Variants in DPYSL2 observed in about 807,000 individuals in gnomAD.
DPYSL2 encodes the protein dihydropyrimidinase like 2.
In DPYSL2, 13 loss-of-function variants were observed where a neutral mutation model predicts 69.9. The observed-to-expected ratio is 0.19, with a 90% CI of 0.12 to 0.30. DPYSL2 has a LOEUF of 0.30. DPYSL2 is among the 10% of genes least tolerant of loss of function. The pLI is 1.00. For synonymous variants in DPYSL2, 326 were observed against 359.1 expected (o/e 0.91, Z 1.04); for missense variants, 587 against 918.9 (o/e 0.64, Z 4.67).
At chr8:26,651,087 G>A (rs1453858965) in intron 11 of DPYSL2, among the ~76,000 whole-genome samples, 1 of 152,210 alleles carries the variant, frequency 6.6e-6, no homozygotes, top group Non-Finnish European at 1.5e-5. Context: ...TTGGGTCTCA[G>A]TAATCCAAGT....
At chr8:26,557,035 A>G (rs4872454) in intron 1 of DPYSL2, among the ~76,000 whole-genome samples, 115,349 of 152,038 alleles carry the variant, frequency 0.76, 44,636 homozygotes, top group East Asian at 0.9. Flanking sequence ...AAAAACATAA[A>G]TCTAGACACA....
At position 26,582,935 on chromosome 8, in the gene DPYSL2, G is replaced by A. The variant is rs1296565329; in HGVS notation, c.444-864G>A. Among the ~76,000 whole-genome samples the A allele has an allele frequency of 6.6e-6, 1 of 152,172 alleles. No homozygotes were observed. The highest frequency in any genetic ancestry group is 1.5e-5 in the Non-Finnish European group (1 of 68,026). ...AGATTTTAACATTTCCACGTTTAAT[G>A]TTTTCTCCATGTGTGTTTGCTGTGA... On this transcript the variant is annotated intron_variant, in intron 2 of 13. Coordinates refer to ENST00000521913, the MANE Select transcript of DPYSL2 (RefSeq NM_001197293.3). This position sits in a 1 kb window ranked among gnomAD's most constrained non-coding sequence, Gnocchi z 4.1.
chr8:26,643,893 G>GT lies in DPYSL2; in HGVS notation c.1284-56dup. The GT allele has an allele frequency of 6.4e-7, 1 of 1,573,100 alleles. No homozygotes were observed. Among genetic ancestry groups the GT allele is most frequent in the Middle Eastern group, 1.7e-4 (1 of 5,918 alleles). On this transcript the variant is annotated intron_variant, in intron 9 of 13. Transcript: ENST00000521913. The surrounding 1 kb of genome is among the most constrained non-coding windows in gnomAD (Gnocchi z 6.5). Reference sequence around the variant, plus strand: ...TCATGAGACAGCCCACCAAATAGGTGTAGGCGCACAGCATCTTGACGAAGC... The same window carrying GT: ...TCATGAGACAGCCCACCAAATAGGTGTTAGGCGCACAGCATCTTGACGAAGC...
Position 26,558,458 on chromosome 8 carries a change from G to A in DPYSL2, c.355-23511G>A, listed in dbSNP as rs185998898. 4.4e-3 allele frequency among the ~76,000 whole-genome samples: 676 copies of A among 152,314 alleles called. 1 individual carries two copies. Among genetic ancestry groups the A allele is most frequent in the Non-Finnish European group, 7.5e-3 (513 of 68,032 alleles). On this transcript the variant is annotated intron_variant, in intron 1 of 13. Coordinates refer to ENST00000521913, the MANE Select transcript of DPYSL2 (RefSeq NM_001197293.3). ...GAGTGGAAGAGAGCAATAGTAGGTA[G>A]AGCACAGGGGATTTTTAGGACAGTG...
At position 26,571,070 on chromosome 8, in the gene DPYSL2, T is replaced by A. The variant is rs1424407188; in HGVS notation, c.355-10899T>A. 6.6e-6 allele frequency among the ~76,000 whole-genome samples: 1 copy of A among 152,190 alleles called. No homozygotes were observed. Among genetic ancestry groups the A allele is most frequent in the African/African-American group, 2.4e-5 (1 of 41,444 alleles). Reference sequence around the variant, plus strand: ...AGGGATAATATTTACCACTCTTTCATAATGTTCCCCCTGGACAAAGAGCAG... The same window carrying A: ...AGGGATAATATTTACCACTCTTTCAAAATGTTCCCCCTGGACAAAGAGCAG... On this transcript the variant is annotated intron_variant, in intron 1 of 13. Transcript: ENST00000521913. This position sits in a 1 kb window ranked among gnomAD's most constrained non-coding sequence, Gnocchi z 6.1.
chr8:26,551,503 C>T (rs1042509738), intron 1 of DPYSL2, among the ~76,000 whole-genome samples: 2 of 152,088 alleles, frequency 1.3e-5, no homozygotes, highest in Non-Finnish European at 1.5e-5. Flanking sequence ...ACTTCAACAC[C>T]CCTCTGTCAG....
At chr8:26,536,390 G>A (rs913361114) in intron 1 of DPYSL2, among the ~76,000 whole-genome samples, 2 of 151,924 alleles carry the variant, frequency 1.3e-5, no homozygotes, top group African/African-American at 4.8e-5. Flanking sequence ...TAAATTATAG[G>A]CCAGGCATGG....
intron 7 of DPYSL2, 25 bp from the exon 8 acceptor site, chr8:26,634,755 C>T (rs757739917): frequency 1.2e-6 from 2 of 1,613,896 alleles, no homozygotes; most frequent in Non-Finnish European, 1.7e-6. Flanking sequence ...GAGCCACATT[C>T]TCATGCTCTG....
chr8:26,637,293 C>T (rs1563421580), intron 8 of DPYSL2, among the ~76,000 whole-genome samples: 1 of 152,294 alleles, frequency 6.6e-6, no homozygotes, highest in Non-Finnish European at 1.5e-5. Context: ...AATGAGAAGT[C>T]CTAGCTAACT....
intron 1 of DPYSL2, among the ~76,000 whole-genome samples, chr8:26,557,351 A>G (rs906175828): frequency 6.6e-6 from 1 of 152,110 alleles, no homozygotes; most frequent in African/African-American, 2.4e-5. Flanking sequence ...AAACCCAACA[A>G]CAAGAAAACA....
At chr8:26,579,952 GC>G (rs1801450238) in intron 1 of DPYSL2, among the ~76,000 whole-genome samples, 1 of 24,576 alleles carries the variant, frequency 4.1e-5, no homozygotes, top group Non-Finnish European at 1.1e-4. Context: ...TTTTTAAAGA[GC>G]GCCCCCCCCC....
chr8:26,567,155 CCCATCCATCCATCCAT>C (rs147501253), intron 1 of DPYSL2, among the ~76,000 whole-genome samples: 1 of 147,938 alleles, frequency 6.8e-6, no homozygotes, highest in African/African-American at 2.5e-5. Flanking sequence ...CATACATCTG[CCCATCCATCCATCCAT>C]CCATCCATCC....
At chr8:26,631,376 CTT>C (rs1009827810) in intron 7 of DPYSL2, among the ~76,000 whole-genome samples, 3 of 152,108 alleles carry the variant, frequency 2.0e-5, no homozygotes, top group African/African-American at 7.2e-5. Context: ...CAAACTGCCA[CTT>C]TTAAACCATC....
At chr8:26,583,641 G>T (rs1193330452) in intron 2 of DPYSL2, among the ~76,000 whole-genome samples, 158 bp from the exon 3 acceptor site, 1 of 152,080 alleles carries the variant, frequency 6.6e-6, no homozygotes, top group African/African-American at 2.4e-5. Flanking sequence ...TTGCTGGGGG[G>T]TAGGAGTATA....
rs895173283 is a variant in DPYSL2 at position 26,624,441 on chromosome 8, A to C, written c.793+134A>C. 2.5e-5 allele frequency: 30 copies of C among 1,191,208 alleles called. 1 individual carries two copies. The highest frequency in any genetic ancestry group is 2.5e-5 in the Non-Finnish European group (21 of 847,254). 73.8% of individuals were successfully genotyped at this position (1,191,208 alleles called of 1,614,324 possible). On this transcript the variant is annotated intron_variant, in intron 4 of 13. Transcript: ENST00000521913. The surrounding 1 kb of genome is among the most constrained non-coding windows in gnomAD (Gnocchi z 4.7). ...ATGCCCATGCCTGCCCCTGGGAAGG[A>C]GAGAGGGCTTTGGGCCGCAGCTTAT...
intron 1 of DPYSL2, among the ~76,000 whole-genome samples, chr8:26,554,231 T>G (rs1800910203): frequency 6.6e-6 from 1 of 152,180 alleles, no homozygotes; most frequent in South Asian, 2.1e-4. Flanking sequence ...TGATGTGAGA[T>G]GGTATCTCAT....
chr8:26,640,291 T>G lies in DPYSL2; in HGVS notation c.1127-3148T>G, dbSNP rs975364341. Among the ~76,000 whole-genome samples, 1 of 152,200 alleles carries G rather than the reference T, an allele frequency of 6.6e-6. No individual in the cohort carries two copies. Among genetic ancestry groups the G allele is most frequent in the Non-Finnish European group, 1.5e-5 (1 of 68,026 alleles). Reference sequence around the variant, plus strand: ...CCATCCCCTGCAGTTCTTGGCCTTATAGAGAGCCTGCCAGAGGCTGGCTTG... The same window carrying G: ...CCATCCCCTGCAGTTCTTGGCCTTAGAGAGAGCCTGCCAGAGGCTGGCTTG... On this transcript the variant is annotated intron_variant, in intron 8 of 13. Coordinates refer to ENST00000521913, the MANE Select transcript of DPYSL2 (RefSeq NM_001197293.3). The surrounding 1 kb of genome is among the most constrained non-coding windows in gnomAD (Gnocchi z 4.2).
intron 11 of DPYSL2, among the ~76,000 whole-genome samples, chr8:26,651,455 C>T (rs964434102): frequency 2.0e-5 from 3 of 152,134 alleles, no homozygotes; most frequent in Non-Finnish European, 4.4e-5. Context: ...CCAGACTCAG[C>T]CACAGCCATT....
chr8:26,529,933 A>T (rs1800477071), intron 1 of DPYSL2, among the ~76,000 whole-genome samples: 1 of 151,490 alleles, frequency 6.6e-6, no homozygotes, highest in African/African-American at 2.4e-5. Flanking sequence ...TAACATGCTG[A>T]AACCTCGTTT....
Sources: gnomAD v4.1 joint callset for allele counts (sites outside exome capture counted in the v4.1 genomes callset) on GRCh38, gnomAD v4.1.1 for gene constraint, Gnocchi (gnomAD v3.1) non-coding constraint, MANE v1.5 for transcripts, NCBI Gene and HGNC (gene_info 2026-07-23, HGNC 2026-07-21) for gene names.